SLC24A2: variants seen among roughly 807,000 people sequenced by gnomAD.
The protein encoded by SLC24A2 is sodium/potassium/calcium exchanger 2.
Under a neutral mutation model 62.0 loss-of-function variants are expected in SLC24A2, and 36 were observed. The ratio of observed to expected loss-of-function variants is 0.58; its 90% CI spans 0.44 to 0.77. The LOEUF (loss-of-function observed/expected upper bound fraction) is 0.77, where lower values mean the gene tolerates loss of function less well. Ranked by LOEUF, SLC24A2 falls within the 30% of genes least tolerant of loss-of-function variation. SLC24A2 has a pLI of 0.00. For missense variants in SLC24A2, 846 were observed against 817.9 expected, an observed-to-expected ratio of 1.03 and a Z score of -0.42; for synonymous variants, 358 against 294.0, an observed-to-expected ratio of 1.22 and a Z score of -2.23.
chr9:19,939,121 T>G, the SLC24A2 span, among the ~76,000 whole-genome samples: 30,874 of 152,222 alleles, frequency 0.2, 3,833 homozygotes, highest in South Asian at 0.3. Context: ...TGTTTCTGGA[T>G]TCTAGTGTAC....
the SLC24A2 span, among the ~76,000 whole-genome samples, chr9:19,993,998 G>T: frequency 6.6e-6 from 1 of 152,132 alleles, no homozygotes; most frequent in Non-Finnish European, 1.5e-5. Context: ...CACAGCAGCC[G>T]TGTGTACTAG....
At chr9:19,982,071 T>C in the SLC24A2 span, among the ~76,000 whole-genome samples, 3 of 152,056 alleles carry the variant, frequency 2.0e-5, no homozygotes, top group African/African-American at 4.8e-5. Flanking sequence ...GAGTGAATAA[T>C]GCAAAGGTGT....
chr9:20,074,602 GAAAGAAGGGAGT>G, the SLC24A2 span, among the ~76,000 whole-genome samples: 53 of 43,020 alleles, frequency 1.2e-3, no homozygotes, highest in Admixed American at 3.8e-3. Context: ...AGGAAGGAAG[GAAAGAAGGGAGT>G]GAGGGAGGGA....
the SLC24A2 span, among the ~76,000 whole-genome samples, chr9:20,219,702 C>T: frequency 1.3e-5 from 2 of 152,050 alleles, no homozygotes; most frequent in Non-Finnish European, 2.9e-5. Flanking sequence ...ATCTGTGTGG[C>T]CTTTGGACGG....
the SLC24A2 span, among the ~76,000 whole-genome samples, chr9:19,912,045 C>A: frequency 1.3e-5 from 2 of 152,064 alleles, no homozygotes; most frequent in African/African-American, 2.4e-5. Context: ...TCTTTTAAAG[C>A]CACTGCATAG....
the SLC24A2 span, among the ~76,000 whole-genome samples, chr9:20,240,373 T>C: frequency 9.2e-5 from 14 of 151,918 alleles, no homozygotes; most frequent in Non-Finnish European, 1.5e-4. Flanking sequence ...TAAGGCTAAG[T>C]GCTGAGTGTT....
the SLC24A2 span, among the ~76,000 whole-genome samples, chr9:20,266,862 G>A: frequency 1.3e-5 from 2 of 152,210 alleles, no homozygotes; most frequent in Non-Finnish European, 2.9e-5. Flanking sequence ...AGGATCACTT[G>A]AGGCCAGAAG....
At chr9:20,235,220 G>A in the SLC24A2 span, among the ~76,000 whole-genome samples, 1 of 152,192 alleles carries the variant, frequency 6.6e-6, no homozygotes, top group East Asian at 1.9e-4. Context: ...ATCTCCAGCT[G>A]CGTACTGGGA....
the SLC24A2 span, among the ~76,000 whole-genome samples, chr9:19,862,256 T>C: frequency 6.6e-6 from 1 of 152,092 alleles, no homozygotes; most frequent in African/African-American, 2.4e-5. Context: ...GACTATTCAG[T>C]GGAAACCTTA....
At chr9:19,614,388 A>C (rs1817710804) in intron 4 of SLC24A2, among the ~76,000 whole-genome samples, 1 of 152,216 alleles carries the variant, frequency 6.6e-6, no homozygotes, top group African/African-American at 2.4e-5. Flanking sequence ...GTTTGAACTA[A>C]ACCTTCACCT....
intron 2 of SLC24A2, among the ~76,000 whole-genome samples, chr9:19,686,566 G>A (rs909801803): frequency 6.6e-5 from 10 of 152,046 alleles, no homozygotes; most frequent in Admixed American, 6.6e-5. Flanking sequence ...ATCATGGGGC[G>A]GTTACCTTCA....
chr9:20,081,779 T>C, the SLC24A2 span, among the ~76,000 whole-genome samples: 22 of 152,274 alleles, frequency 1.4e-4, no homozygotes, highest in Middle Eastern at 3.4e-3. Context: ...TACTGGCCTA[T>C]ATTTTTCATA....
the SLC24A2 span, among the ~76,000 whole-genome samples, chr9:20,019,282 AG>A: frequency 1.3e-5 from 2 of 149,878 alleles, no homozygotes; most frequent in Non-Finnish European, 2.9e-5. Flanking sequence ...AAAGAAAGAA[AG>A]AAAGAAAGAA....
At chr9:20,232,809 T>C in the SLC24A2 span, among the ~76,000 whole-genome samples, 6 of 152,228 alleles carry the variant, frequency 3.9e-5, no homozygotes, top group African/African-American at 1.4e-4. Context: ...TTCTTTTAAG[T>C]GTGATGTTAG....
chr9:19,865,392 G>A, the SLC24A2 span, among the ~76,000 whole-genome samples: 1 of 151,918 alleles, frequency 6.6e-6, no homozygotes, highest in Non-Finnish European at 1.5e-5. Flanking sequence ...ACCCAGAATC[G>A]CCAAAGCTGT....
intron 8 of SLC24A2, among the ~76,000 whole-genome samples, chr9:19,539,681 G>A (rs1445029239): frequency 8.0e-4 from 43 of 53,890 alleles, no homozygotes; most frequent in Non-Finnish European, 1.5e-3. Context: ...TGTATATTCT[G>A]TTGATTTGGG....
chr9:19,629,160 C>T (rs1326284523), intron 2 of SLC24A2, among the ~76,000 whole-genome samples: 1 of 152,148 alleles, frequency 6.6e-6, no homozygotes, highest in Non-Finnish European at 1.5e-5. Flanking sequence ...TCCAAGGCCA[C>T]ATAGCCAGCA....
chr9:19,548,912 T>C (rs1183604685), intron 8 of SLC24A2, among the ~76,000 whole-genome samples: 1 of 152,194 alleles, frequency 6.6e-6, no homozygotes, highest in East Asian at 1.9e-4. Flanking sequence ...ATCTGATGCA[T>C]ATTAGGTATA....
chr9:19,787,135 C>G, intron 1 of SLC24A2, 116 bp from the exon 2 acceptor site: 1 of 417,690 alleles, frequency 2.4e-6, no homozygotes, highest in Non-Finnish European at 3.2e-6. Context: ...GGGTAAGTTA[C>G]TTAACTTCTC....
Sources: allele counts gnomAD v4.1 joint callset (sites outside exome capture counted in the v4.1 genomes callset), GRCh38; gene constraint gnomAD v4.1.1; transcripts MANE v1.5; gene names NCBI Gene and HGNC (gene_info 2026-07-23, HGNC 2026-07-21).